Variants in HCRTR2 observed in about 807,000 individuals in gnomAD.
HCRTR2 encodes the protein hypocretin receptor 2, also known as orexin receptor type 2.
Under a neutral mutation model 49.0 loss-of-function variants are expected in HCRTR2, and 22 were observed. The observed-to-expected ratio is 0.45, with a 90% CI of 0.32 to 0.64. The LOEUF (loss-of-function observed/expected upper bound fraction) is 0.64, where lower values mean the gene tolerates loss of function less well. Among genes scored for constraint, HCRTR2 ranks in the 30% least tolerant of loss-of-function variants. The pLI is 0.04. For synonymous variants in HCRTR2, 236 were observed against 205.3 expected, an observed-to-expected ratio of 1.15 and a Z score of -1.28; for missense variants, 491 against 559.4, an observed-to-expected ratio of 0.88 and a Z score of 1.23.
chr6:55,282,422 G>A lies in HCRTR2; in HGVS notation c.1303G>A (p.Ala435Thr), dbSNP rs1329066220. 2 of 1,607,032 alleles carry A rather than the reference G, an allele frequency of 1.2e-6. No homozygotes were observed. The highest frequency in any genetic ancestry group is 2.2e-5 in the South Asian group (2 of 90,928). The change falls in exon 7 of 7, where the codon GCC becomes ACC. Residue 435 changes from alanine (A) to threonine (T), a missense_variant. Ala to Thr is a moderately conservative substitution (Grantham distance 58). Coordinates refer to ENST00000370862, the MANE Select transcript of HCRTR2 (RefSeq NM_001384272.1). ...VLTSISTLPA[A>T]NGAGPLQNW ...CACTAGCATAAGCACACTCCCAGCA[G>A]CCAATGGAGCAGGACCACTTCAAAA...
intron 1 of HCRTR2, among the ~76,000 whole-genome samples, chr6:55,184,393 C>G (rs1474422802): frequency 6.6e-6 from 1 of 152,100 alleles, no homozygotes; most frequent in Non-Finnish European, 1.5e-5. Context: ...TCACTGTACT[C>G]CTAGCTATCT....
At chr6:55,239,580 T>C (rs951323164) in intron 1 of HCRTR2, among the ~76,000 whole-genome samples, 10 of 152,164 alleles carry the variant, frequency 6.6e-5, no homozygotes, top group African/African-American at 2.4e-4. Flanking sequence ...TTCTCCACTG[T>C]ACCTAACGGT....
chr6:55,186,712 T>G (rs1765221868), intron 1 of HCRTR2, among the ~76,000 whole-genome samples: 1 of 152,216 alleles, frequency 6.6e-6, no homozygotes, highest in Non-Finnish European at 1.5e-5. Context: ...AGCAAATACT[T>G]AATGAACTGT....
chr6:55,117,481 A>G (rs1410185782), intron 1 of HCRTR2, among the ~76,000 whole-genome samples: 1 of 151,706 alleles, frequency 6.6e-6, no homozygotes, highest in Non-Finnish European at 1.5e-5. Context: ...GATATTTTGC[A>G]TTGTGCATAC....
chr6:55,150,346 A>G (rs1447772320), intron 1 of HCRTR2, among the ~76,000 whole-genome samples: 1 of 145,308 alleles, frequency 6.9e-6, no homozygotes. Context: ...TGGTGTGATA[A>G]GAACACTTAG....
intron 1 of HCRTR2, among the ~76,000 whole-genome samples, chr6:55,183,666 G>T (rs983913521): frequency 2.6e-5 from 4 of 152,110 alleles, no homozygotes; most frequent in Non-Finnish European, 4.4e-5. Flanking sequence ...TCACACTGGG[G>T]TTTGCATCCT....
At chr6:55,221,620 TG>T (rs1249961722) in intron 1 of HCRTR2, among the ~76,000 whole-genome samples, 7 of 151,878 alleles carry the variant, frequency 4.6e-5, no homozygotes, top group South Asian at 2.1e-4. Flanking sequence ...GAGACCATCC[TG>T]GCTAACACAG....
intron 1 of HCRTR2, among the ~76,000 whole-genome samples, chr6:55,212,881 A>G (rs916074711): frequency 6.6e-6 from 1 of 152,198 alleles, no homozygotes; most frequent in Non-Finnish European, 1.5e-5. Flanking sequence ...TAAAATTCCA[A>G]CTATGTAGAC....
chr6:55,132,883 G>T (rs367872942), intron 1 of HCRTR2, among the ~76,000 whole-genome samples: 2 of 151,514 alleles, frequency 1.3e-5, no homozygotes, highest in Non-Finnish European at 3.0e-5. Flanking sequence ...CAACCAAACA[G>T]TTTTTTACAT....
intron 1 of HCRTR2, among the ~76,000 whole-genome samples, chr6:55,204,818 C>T (rs898887221): frequency 4.0e-5 from 6 of 151,108 alleles, no homozygotes; most frequent in African/African-American, 1.5e-4. Context: ...TAGGGTCTTG[C>T]TCTGTTTCAC....
chr6:55,154,281 CA>C (rs1764701245), intron 1 of HCRTR2, among the ~76,000 whole-genome samples: 2 of 151,860 alleles, frequency 1.3e-5, no homozygotes, highest in Non-Finnish European at 2.9e-5. Context: ...ATGAGGCCAG[CA>C]TTATTCTGAT....
intron 3 of HCRTR2, among the ~76,000 whole-genome samples, chr6:55,257,317 A>C (rs114944395): frequency 0.013 from 1,992 of 152,222 alleles, 23 homozygotes; most frequent in South Asian, 0.041. Flanking sequence ...TAGAAAGATT[A>C]TATTATTTTT....
intron 1 of HCRTR2, among the ~76,000 whole-genome samples, chr6:55,149,492 A>G (rs897422142): frequency 2.0e-4 from 31 of 152,128 alleles, no homozygotes; most frequent in Admixed American, 8.5e-4. Flanking sequence ...TTCTTTCTAT[A>G]AAGCATGAGT....
chr6:55,177,475 A>C (rs1765061225), intron 1 of HCRTR2, among the ~76,000 whole-genome samples: 1 of 152,186 alleles, frequency 6.6e-6, no homozygotes, highest in South Asian at 2.1e-4. Flanking sequence ...AATTTTGCAC[A>C]TAGAGTGGTA....
At chr6:55,236,308 A>G (rs1310963058) in intron 1 of HCRTR2, among the ~76,000 whole-genome samples, 1 of 152,012 alleles carries the variant, frequency 6.6e-6, no homozygotes, top group Non-Finnish European at 1.5e-5. Flanking sequence ...TTTAATAGAA[A>G]CATAATTGAT....
chr6:55,270,456 G>A (rs1453307066), intron 4 of HCRTR2, among the ~76,000 whole-genome samples: 1 of 152,064 alleles, frequency 6.6e-6, no homozygotes, highest in African/African-American at 2.4e-5. Flanking sequence ...GTCTCAGAAA[G>A]GTTACCAACA....
chr6:55,192,787 C>T (rs970100406), intron 1 of HCRTR2, among the ~76,000 whole-genome samples: 1 of 152,204 alleles, frequency 6.6e-6, no homozygotes, highest in African/African-American at 2.4e-5. Context: ...TACGTAACAA[C>T]TGGATATATC....
intron 4 of HCRTR2, among the ~76,000 whole-genome samples, chr6:55,273,950 T>A (rs955750643): frequency 2.6e-5 from 4 of 151,646 alleles, no homozygotes; most frequent in Admixed American, 6.6e-5. Context: ...AATCTTGAAA[T>A]GAGTTTTTAT....
In HCRTR2 at chr6:55,139,419, G is replaced by C. The variant is rs945617925; in HGVS notation, c.-378+32874G>C. 4.1e-5 allele frequency among the ~76,000 whole-genome samples: 6 copies of C among 145,496 alleles called. 1 individual carries two copies. The highest frequency in any genetic ancestry group is 1.5e-4 in the African/African-American group (6 of 40,716). The stretch of plus-strand genomic sequence containing the variant: ...CTATCTATCTGAGATTCAATTATTG[G>C]TATTTATGGGAAGATTGATATACTA... On this transcript the variant is annotated intron_variant, in intron 1 of 7. Transcript: ENST00000615358.
Sources: gnomAD v4.1 joint callset for allele counts (sites outside exome capture counted in the v4.1 genomes callset) on GRCh38, gnomAD v4.1.1 for gene constraint, MANE v1.5 for transcripts, NCBI Gene and HGNC (gene_info 2026-07-23, HGNC 2026-07-21) for gene names.